The following DIAPH3 variants were observed in gnomAD, a reference collection of about 807,000 sequenced individuals.
The protein encoded by DIAPH3 is diaphanous related formin 3, also known as protein diaphanous homolog 3.
A neutral mutation model predicts 144.3 loss-of-function variants in DIAPH3; 117 were observed. That is an observed-to-expected ratio of 0.81 (90% CI 0.70 to 0.95). DIAPH3 has a LOEUF of 0.95. DIAPH3 is among the 40% of genes least tolerant of loss of function. The pLI is 0.00. For missense variants in DIAPH3, 1,421 were observed against 1,412.7 expected (o/e 1.01, Z -0.09); for synonymous variants, 519 against 488.9 (o/e 1.06, Z -0.81).
intron 18 of DIAPH3, among the ~76,000 whole-genome samples, chr13:59,922,862 C>G (rs1268962253): frequency 2.0e-5 from 3 of 152,072 alleles, no homozygotes; most frequent in Non-Finnish European, 2.9e-5. Context: ...AAATGTTATT[C>G]TGTTTTCTGT....
intron 27 of DIAPH3, among the ~76,000 whole-genome samples, chr13:59,729,016 C>T (rs1366036204): frequency 6.6e-6 from 1 of 151,902 alleles, no homozygotes; most frequent in Admixed American, 6.5e-5. Flanking sequence ...AATAACTTCA[C>T]TAATCACAAT....
At chr13:60,108,014 T>G (rs2058466784) in intron 3 of DIAPH3, among the ~76,000 whole-genome samples, 1 of 152,210 alleles carries the variant, frequency 6.6e-6, no homozygotes, top group African/African-American at 2.4e-5. Flanking sequence ...TTGGGCTGAC[T>G]AGCAATTAAA....
At chr13:60,031,719 G>A (rs767019316) in intron 5 of DIAPH3, among the ~76,000 whole-genome samples, 1 of 145,088 alleles carries the variant, frequency 6.9e-6, no homozygotes, top group Non-Finnish European at 1.5e-5. Context: ...ACCCAGTAGG[G>A]CAGTCATTAA....
At chr13:59,963,269 C>T (rs1190497720) in intron 17 of DIAPH3, among the ~76,000 whole-genome samples, 3 of 152,050 alleles carry the variant, frequency 2.0e-5, no homozygotes, top group Non-Finnish European at 4.4e-5. Flanking sequence ...CCTTGAGGGA[C>T]AAGAACAGCT....
rs190600196 is a variant in DIAPH3 at position 59,705,974 on chromosome 13, T to C, written c.3320-39128A>G. On this transcript the variant is annotated intron_variant, in intron 27 of 27. Transcript: ENST00000400324. ...TTCCTCATTTACTGTTGTTATCTAG[T>C]AGGACTACGTAGACGTTTCTCAGTA... Among the ~76,000 whole-genome samples, 163 of 151,918 alleles carry C rather than the reference T, an allele frequency of 1.1e-3. 2 individuals carry two copies. The East Asian group carries it at 0.025, about 23-fold the overall frequency.
At chr13:60,052,537 C>A (rs2056389558) in intron 4 of DIAPH3, among the ~76,000 whole-genome samples, 1 of 152,058 alleles carries the variant, frequency 6.6e-6, no homozygotes, top group African/African-American at 2.4e-5. Context: ...AGAAGTCTGT[C>A]ATACATGCCA....
At chr13:59,693,150 G>A (rs1416071096) in intron 27 of DIAPH3, among the ~76,000 whole-genome samples, 1 of 152,180 alleles carries the variant, frequency 6.6e-6, no homozygotes, top group African/African-American at 2.4e-5. Flanking sequence ...TCCAGGTAGA[G>A]GGAACAGCGT....
intron 12 of DIAPH3, among the ~76,000 whole-genome samples, chr13:59,988,012 C>T (rs2051542580): frequency 6.6e-6 from 1 of 151,734 alleles, no homozygotes; most frequent in African/African-American, 2.4e-5. Context: ...GTGGGTCCCT[C>T]AAGCCATTTA....
intron 27 of DIAPH3, among the ~76,000 whole-genome samples, chr13:59,755,217 A>T (rs905239231): frequency 6.6e-6 from 1 of 152,212 alleles, no homozygotes; most frequent in Non-Finnish European, 1.5e-5. Context: ...CACAACTTCT[A>T]AGCACTAAAT....
chr13:59,774,230 C>T lies in DIAPH3; in HGVS notation c.3278G>A (p.Ser1093Asn), dbSNP rs778077172. The T allele has an allele frequency of 6.2e-7, 1 of 1,612,752 alleles. No individual in the cohort carries two copies. The highest frequency in any genetic ancestry group is 1.3e-5 in the African/African-American group (1 of 74,886). The change falls in exon 27 of 28, where the codon AGT becomes AAT. Residue 1093 changes from serine (S) to asparagine (N), a missense_variant. Ser to Asn is a conservative substitution (Grantham distance 46). Coordinates refer to ENST00000400324, the MANE Select transcript of DIAPH3 (RefSeq NM_001042517.2). Reference protein sequence around the residue: ...PMPKDVRQSLSPMSQRPVLKV... With the variant: ...PMPKDVRQSLNPMSQRPVLKV... ...CAGAACAGGCCTCTGAGACATTGGA[C>T]TGAGACTCTGCCGAACATCTGTTAA... is the stretch of plus-strand genomic sequence containing the variant.
intron 24 of DIAPH3, among the ~76,000 whole-genome samples, chr13:59,815,913 C>T (rs533849785): frequency 6.6e-6 from 1 of 152,132 alleles, no homozygotes; most frequent in South Asian, 2.1e-4. Context: ...CTTGTCTTAT[C>T]TTGCTATACT....
At chr13:59,993,724 T>TAAAAAAAAAAAAAAAAAAAA (rs2051999696) in intron 9 of DIAPH3, among the ~76,000 whole-genome samples, 1 of 42,480 alleles carries the variant, frequency 2.4e-5, no homozygotes, top group African/African-American at 1.1e-4. Context: ...AAAAAAAAAC[T>TAAAAAAAAAAAAAAAAAAAA]TAACAGAATC....
intron 24 of DIAPH3, among the ~76,000 whole-genome samples, chr13:59,828,588 C>A: frequency 6.9e-6 from 1 of 145,658 alleles, no homozygotes; most frequent in African/African-American, 2.5e-5. Context: ...AGACATGGAG[C>A]TTCTCTACCC....
chr13:60,013,118 G>T (rs2053390815), intron 7 of DIAPH3: 1 of 984,840 alleles, frequency 1.0e-6, no homozygotes, highest in Non-Finnish European at 1.2e-6. Flanking sequence ...ATTTTGAAAG[G>T]TCTAAGGATG....
chr13:59,994,472 T>C (rs1468434471), intron 9 of DIAPH3, among the ~76,000 whole-genome samples: 2 of 151,866 alleles, frequency 1.3e-5, no homozygotes, highest in African/African-American at 4.8e-5. Context: ...CCTAGAGATA[T>C]CGAGAAACGT....
intron 4 of DIAPH3, among the ~76,000 whole-genome samples, chr13:60,056,989 G>C (rs533229116): frequency 1.6e-4 from 25 of 151,748 alleles, no homozygotes; most frequent in South Asian, 6.3e-4. Context: ...TTCCTCCTAA[G>C]AACTTGAACA....
At chr13:60,005,146 G>T (rs1305017039) in intron 9 of DIAPH3, among the ~76,000 whole-genome samples, 4 of 152,126 alleles carry the variant, frequency 2.6e-5, no homozygotes, top group Non-Finnish European at 5.9e-5. Context: ...ATAAAATGTG[G>T]TACACTCATG....
At chr13:59,800,751 A>C (rs1396633244) in intron 25 of DIAPH3, among the ~76,000 whole-genome samples, 1 of 152,208 alleles carries the variant, frequency 6.6e-6, no homozygotes, top group African/African-American at 2.4e-5. Flanking sequence ...GTGGGAGCAG[A>C]ACTAGCATCT....
intron 27 of DIAPH3, among the ~76,000 whole-genome samples, chr13:59,745,927 T>A (rs1340755182): frequency 6.6e-6 from 1 of 152,234 alleles, no homozygotes; most frequent in Admixed American, 6.5e-5. Context: ...TATTCTGGAA[T>A]GATATGAATT....
Sources: gnomAD v4.1 joint callset for allele counts (sites outside exome capture counted in the v4.1 genomes callset) on GRCh38, gnomAD v4.1.1 for gene constraint, MANE v1.5 for transcripts, NCBI Gene and HGNC (gene_info 2026-07-23, HGNC 2026-07-21) for gene names.